The following DNAH11 variants were observed in gnomAD, a reference collection of about 807,000 sequenced individuals.
The protein encoded by DNAH11 is dynein axonemal heavy chain 11.
A neutral mutation model predicts 526.0 loss-of-function variants in DNAH11; 442 were observed. The observed-to-expected ratio is 0.84, with a 90% CI of 0.78 to 0.91. The LOEUF (loss-of-function observed/expected upper bound fraction) is 0.91. Among genes scored for constraint, DNAH11 ranks in the 40% least tolerant of loss-of-function variants. The pLI is 0.00. For synonymous variants in DNAH11, 2,461 were observed against 1,935.9 expected, an observed-to-expected ratio of 1.27 and a Z score of -7.12; for missense variants, 6,989 against 5,448.7, an observed-to-expected ratio of 1.28 and a Z score of -8.90.
In DNAH11 at chr7:21,591,170, G is replaced by T. The variant is rs60290948; in HGVS notation, c.2275-15G>T. On this transcript the variant is annotated splice_polypyrimidine_tract_variant and intron_variant, in intron 13 of 81. Transcript: ENST00000409508. ...CATATTTGGCACTTTTTGTTTTGGG[G>T]TTTTCTTTGCTCAGTACATTGGAAA... 7,689 of 1,521,768 alleles carry T rather than the reference G, an allele frequency of 5.1e-3. 464 individuals carry two copies. The East Asian group carries it at 0.14, about 27-fold the overall frequency. 94.3% of individuals were successfully genotyped at this position (1,521,768 alleles called of 1,614,324 possible). A position where few individuals can be genotyped will look rare whatever the true frequency, so the allele number is the denominator to read the frequency against.
chr7:21,658,710 C>T, intron 29 of DNAH11, 88 bp from the exon 30 acceptor site: 7 of 1,112,944 alleles, frequency 6.3e-6, no homozygotes, highest in Non-Finnish European at 8.7e-6. Context: ...GGGGCATTAC[C>T]CTCTGCGTGG....
intron 44 of DNAH11, 86 bp from the exon 45 acceptor site, chr7:21,725,725 A>G (rs1785070096): frequency 8.8e-6 from 12 of 1,367,612 alleles, no homozygotes; most frequent in East Asian, 2.5e-5. Context: ...TTCTACCCCT[A>G]TGATATTGTT....
intron 79 of DNAH11, among the ~76,000 whole-genome samples, chr7:21,897,437 A>ATAC (rs1272899713): frequency 2.8e-5 from 3 of 107,064 alleles, no homozygotes; most frequent in Non-Finnish European, 6.9e-5. Flanking sequence ...AAAAGCTAGC[A>ATAC]TACTTCTTTT....
Position 21,880,781 on chromosome 7 carries a change from C to G in DNAH11, c.12275C>G (p.Ala4092Gly). Residue 4092 changes from alanine to glycine, a missense_variant, in exon 75 of 82, where the codon GCT becomes GGT. By Grantham distance (60) the Ala-to-Gly change is moderately conservative. Transcript: ENST00000409508. ...FSLCYFHACV[A>G]GRLRFGPQGW... is the part of the protein sequence containing the mutation. Reference sequence around the variant, plus strand: ...CTCTGCTACTTCCACGCCTGTGTTGCTGGGAGACTGAGGTTTGGCCCCCAG... The same window carrying G: ...CTCTGCTACTTCCACGCCTGTGTTGGTGGGAGACTGAGGTTTGGCCCCCAG... The G allele has an allele frequency of 6.2e-7, 1 of 1,613,964 alleles. No individual in the cohort carries two copies. Among genetic ancestry groups the G allele is most frequent in the Non-Finnish European group, 8.5e-7 (1 of 1,179,904 alleles).
At chr7:21,774,065 T>C in intron 56 of DNAH11, 66 bp downstream of exon 56, 1 of 1,345,734 alleles carries the variant, frequency 7.4e-7, no homozygotes, top group East Asian at 2.5e-5. Flanking sequence ...ATATTTCCTT[T>C]TGAAGCACTA....
At chr7:21,772,367 T>TTC (rs1562536936) in intron 55 of DNAH11, among the ~76,000 whole-genome samples, 1 of 150,558 alleles carries the variant, frequency 6.6e-6, no homozygotes, top group African/African-American at 2.5e-5. Flanking sequence ...TTTTTTTTTT[T>TTC]CCCTTCCTGT....
intron 14 of DNAH11, 111 bp from the exon 15 acceptor site, chr7:21,599,676 C>A: frequency 1.3e-6 from 1 of 787,740 alleles, no homozygotes; most frequent in Non-Finnish European, 1.9e-6. Flanking sequence ...ATGTTCCTGT[C>A]TTGTGCACAA....
At chr7:21,854,598 G>A (rs1782764514) in intron 68 of DNAH11, 143 bp downstream of exon 68, 2 of 941,962 alleles carry the variant, frequency 2.1e-6, no homozygotes, top group Non-Finnish European at 3.0e-6. Flanking sequence ...AGCCCAGGCT[G>A]GAGTGCAGTG....
At chr7:21,882,449 A>G (rs1248589795) in intron 75 of DNAH11, among the ~76,000 whole-genome samples, 1 of 152,244 alleles carries the variant, frequency 6.6e-6, no homozygotes, top group East Asian at 1.9e-4. Flanking sequence ...TCAAGAAAGT[A>G]TATGTAAAAA....
intron 35 of DNAH11, among the ~76,000 whole-genome samples, chr7:21,691,914 A>T (rs572903752): frequency 2.0e-5 from 3 of 152,308 alleles, no homozygotes; most frequent in Middle Eastern, 3.4e-3. Context: ...TTCAGAATAG[A>T]TTTCTAAATG....
chr7:21,625,649 C>A (rs1439933046), intron 25 of DNAH11, among the ~76,000 whole-genome samples: 1 of 152,160 alleles, frequency 6.6e-6, no homozygotes, highest in Admixed American at 6.5e-5. Flanking sequence ...AAAAACTTCC[C>A]TCTTAGAACT....
At chr7:21,805,828 G>T (rs768226249) in intron 62 of DNAH11, among the ~76,000 whole-genome samples, 1 of 152,178 alleles carries the variant, frequency 6.6e-6, no homozygotes, top group East Asian at 1.9e-4. Context: ...GAAGATGTCA[G>T]ATCTTTTTCT....
At chr7:21,850,574 G>T in intron 66 of DNAH11, among the ~76,000 whole-genome samples, 1 of 142,752 alleles carries the variant, frequency 7.0e-6, no homozygotes, top group Non-Finnish European at 1.5e-5. Flanking sequence ...TGCCACATCT[G>T]AGTCTTGTCC....
chr7:21,899,629 G>C (rs948918113), intron 80 of DNAH11, among the ~76,000 whole-genome samples, 181 bp downstream of exon 80: 1 of 152,196 alleles, frequency 6.6e-6, no homozygotes, highest in Non-Finnish European at 1.5e-5. Context: ...AGTAGCAGCA[G>C]GAGGGAAAGG....
At position 21,601,401 on chromosome 7, in the gene DNAH11, A is replaced by G. The variant is rs762955756; in HGVS notation, c.3431A>G (p.Asn1144Ser). The change falls in exon 18 of 82, where the codon AAT (asparagine) becomes AGT (serine). Residue 1144 changes from asparagine to serine, a missense_variant. By Grantham distance (46) the Asn-to-Ser change is conservative (BLOSUM62 1). Coordinates refer to ENST00000409508, the MANE Select transcript of DNAH11 (RefSeq NM_001277115.2). ...HLLRFVIDSL[N>S]ELQEFIKETD... Reference sequence around the variant, plus strand: ...TGTACATATATATTTAATAGTCTGAATGAGCTACAAGAATTTATAAAGGAG... The same window carrying G: ...TGTACATATATATTTAATAGTCTGAGTGAGCTACAAGAATTTATAAAGGAG... The G allele has an allele frequency of 6.2e-6, 10 of 1,611,312 alleles. No homozygotes were observed. In the South Asian group the frequency reaches 6.6e-5, roughly 11 times the overall value.
At chr7:21,639,716 T>A (rs1413628337) in intron 28 of DNAH11, among the ~76,000 whole-genome samples, 1 of 152,244 alleles carries the variant, frequency 6.6e-6, no homozygotes, top group Non-Finnish European at 1.5e-5. Flanking sequence ...TTTAAGAGAA[T>A]GTTGCCTTTC....
intron 65 of DNAH11, among the ~76,000 whole-genome samples, chr7:21,835,621 A>C (rs993535437): frequency 6.6e-6 from 1 of 152,190 alleles, no homozygotes; most frequent in Non-Finnish European, 1.5e-5. Context: ...CCTCAAAACA[A>C]TAAAGGCCAT....
At chr7:21,551,516 A>C (rs1407280154) in intron 2 of DNAH11, among the ~76,000 whole-genome samples, 1 of 152,192 alleles carries the variant, frequency 6.6e-6, no homozygotes, top group East Asian at 1.9e-4. Context: ...TAGAATCAGT[A>C]TATACAGTGT....
At chr7:21,896,895 AAAAACAAT>A (rs1427709223) in intron 79 of DNAH11, among the ~76,000 whole-genome samples, 6 of 151,956 alleles carry the variant, frequency 3.9e-5, no homozygotes, top group African/African-American at 1.5e-4. Flanking sequence ...CCTGTCTCTA[AAAAACAAT>A]AATAAAATAA....
Sources: allele counts gnomAD v4.1 joint callset (sites outside exome capture counted in the v4.1 genomes callset), GRCh38; gene constraint gnomAD v4.1.1; transcripts MANE v1.5; gene names NCBI Gene and HGNC (gene_info 2026-07-23, HGNC 2026-07-21).